Variants in FGF22 observed in about 807,000 individuals in gnomAD.
FGF22 encodes FGF-22.
Under a neutral mutation model 10.3 loss-of-function variants are expected in FGF22, and 11 were observed. That is an observed-to-expected ratio of 1.07 (90% CI 0.67 to 1.77). FGF22 has a LOEUF of 1.77. Ranked by LOEUF, FGF22 falls within the 40% of genes most tolerant of loss-of-function variation. The pLI is 0.00. For synonymous variants in FGF22, 136 were observed against 122.1 expected, an observed-to-expected ratio of 1.11 and a Z score of -0.75; for missense variants, 317 against 273.2, an observed-to-expected ratio of 1.16 and a Z score of -1.13.
chr19:642,942 G>A (rs1346864347), intron 1 of FGF22, among the ~76,000 whole-genome samples: 1 of 151,982 alleles, frequency 6.6e-6, no homozygotes, highest in Non-Finnish European at 1.5e-5. Flanking sequence ...CGCTGACCTG[G>A]CCCTCCCACG....
At chr19:642,049 C>T (rs1600615831) in intron 1 of FGF22, among the ~76,000 whole-genome samples, 1 of 152,334 alleles carries the variant, frequency 6.6e-6, no homozygotes, top group East Asian at 1.9e-4. Flanking sequence ...GGCTGCTGAG[C>T]GGGCTTGGTA....
At chr19:640,438 G>C (rs188642225) in intron 1 of FGF22, 2 of 284,678 alleles carry the variant, frequency 7.0e-6, no homozygotes, top group Non-Finnish European at 1.3e-5. Flanking sequence ...GAGGGGCTGG[G>C]GCAGGCCCAG....
chr19:643,361 C>T (rs370321384), intron 2 of FGF22, 23 bp downstream of exon 2: 14 of 944,580 alleles, frequency 1.5e-5, no homozygotes, highest in East Asian at 5.2e-5. Flanking sequence ...CAGGGCTGGG[C>T]GGCGCGGGCA....
At chr19:643,838 T>C in exon 3 of FGF22, 3 of 533,824 alleles carry the variant, frequency 5.6e-6, no homozygotes, top group Non-Finnish European at 9.9e-6. Context: ...CCTCTCGGGC[T>C]GAAGGACGCA....
At chr19:643,087 A>G (rs10410380) in intron 1 of FGF22, 148 bp from the exon 2 acceptor site, 1,385 of 45,696 alleles carry the variant, frequency 0.03, 15 homozygotes, top group African/African-American at 0.14. Flanking sequence ...GGGGATCCTG[A>G]GTGTCCGTCG....
At chr19:642,867 T>G (rs1985950215) in intron 1 of FGF22, among the ~76,000 whole-genome samples, 1 of 151,600 alleles carries the variant, frequency 6.6e-6, no homozygotes, top group African/African-American at 2.4e-5. Context: ...TCCCTCTGGG[T>G]GTGTGGGAGC....
chr19:640,223 C>T (rs766249830), intron 1 of FGF22, 84 bp downstream of exon 1: 52 of 944,116 alleles, frequency 5.5e-5, no homozygotes, highest in Non-Finnish European at 6.9e-5. Flanking sequence ...GACCTGCGCC[C>T]GCGGGGGAGT....
intron 1 of FGF22, chr19:640,830 G>A (rs1016267034): frequency 8.6e-5 from 19 of 221,516 alleles, no homozygotes; most frequent in African/African-American, 3.6e-4. Context: ...AAGGGGGCCC[G>A]GGCCCGCTGG....
chr19:641,307 T>A (rs1429465816), intron 1 of FGF22: 10 of 453,372 alleles, frequency 2.2e-5, no homozygotes, highest in Non-Finnish European at 4.4e-5. Flanking sequence ...CCGGGTGCAG[T>A]GGCTCACGTC....
chr19:643,332 C>T (rs746793067), exon 2 of FGF22: 6 of 1,368,810 alleles, frequency 4.4e-6, no homozygotes, highest in South Asian at 1.1e-5. Flanking sequence ...GCCGCCTCTA[C>T]GGGTCGGTGA....
At chr19:643,202 A>T in intron 1 of FGF22, 33 bp from the exon 2 acceptor site, 1 of 1,169,580 alleles carries the variant, frequency 8.6e-7, no homozygotes, top group South Asian at 1.5e-5. Flanking sequence ...GGGGTGAGCC[A>T]GCAAGGCCCT....
At chr19:641,197 CAG>C in intron 1 of FGF22, 2 of 456,526 alleles carry the variant, frequency 4.4e-6, no homozygotes, top group Non-Finnish European at 8.8e-6. Flanking sequence ...CCAGTGGTGA[CAG>C]AGACGCCCAC....
At chr19:639,885 G>T in exon 1 of FGF22, 2 of 1,170,588 alleles carry the variant, frequency 1.7e-6, no homozygotes, top group Non-Finnish European at 2.1e-6. Flanking sequence ...AGCCGCGGAC[G>T]CCCGGGAGCG....
At chr19:644,129 G>A (rs188799611) in exon 3 of FGF22, 7 of 164,330 alleles carry the variant, frequency 4.3e-5, no homozygotes, top group East Asian at 3.7e-4. Flanking sequence ...GGGTCCTCAC[G>A]ACAGGAGGCG....
chr19:641,010 G>A (rs144191537), intron 1 of FGF22: 15 of 366,430 alleles, frequency 4.1e-5, no homozygotes, highest in Admixed American at 6.8e-5. Context: ...GCCTCGGGCC[G>A]GGGCAGAGGC....
At chr19:643,571 G>C in exon 3 of FGF22, 2 of 1,569,802 alleles carry the variant, frequency 1.3e-6, no homozygotes, top group Non-Finnish European at 1.7e-6. Flanking sequence ...GGTACCACCT[G>C]TCCGCCCACT....
intron 1 of FGF22, among the ~76,000 whole-genome samples, 185 bp from the exon 2 acceptor site, chr19:643,050 G>C (rs1169083181): frequency 1.3e-5 from 2 of 152,108 alleles, no homozygotes; most frequent in East Asian, 1.9e-4. Context: ...ATGCTGGGGG[G>C]GGCTCCTGGT....
chr19:640,501 A>C, intron 1 of FGF22: 1 of 189,896 alleles, frequency 5.3e-6, no homozygotes, highest in East Asian at 1.2e-4. Flanking sequence ...ACATCACAGA[A>C]TCCAGTCAGG....
intron 1 of FGF22, chr19:641,137 G>A (rs1022346710): frequency 8.8e-6 from 4 of 455,964 alleles, no homozygotes; most frequent in Non-Finnish European, 1.8e-5. Flanking sequence ...TCGTGCATTC[G>A]CTGGTCACTA....
Sources: allele counts gnomAD v4.1 joint callset (sites outside exome capture counted in the v4.1 genomes callset), GRCh38; gene constraint gnomAD v4.1.1; transcripts MANE v1.5; gene names NCBI Gene and HGNC (gene_info 2026-07-23, HGNC 2026-07-21).